The following TMPRSS11F variants were observed in gnomAD, a reference collection of about 807,000 sequenced individuals.
TMPRSS11F encodes transmembrane serine protease 11F, also known as transmembrane protease serine 11F.
Under a neutral mutation model 60.2 loss-of-function variants are expected in TMPRSS11F, and 47 were observed. The observed-to-expected ratio is 0.78, with a 90% CI of 0.62 to 1.00. The LOEUF (loss-of-function observed/expected upper bound fraction) is 1.00, where lower values mean the gene tolerates loss of function less well. Ranked by LOEUF, TMPRSS11F falls within the 50% of genes least tolerant of loss-of-function variation. TMPRSS11F has a pLI of 0.00. For missense variants in TMPRSS11F, 519 were observed against 522.9 expected (o/e 0.99, Z 0.07); for synonymous variants, 166 against 167.3 (o/e 0.99, Z 0.06).
At position 68,112,936 on chromosome 4, in the gene TMPRSS11F, A is replaced by C. The variant is rs901830726; in HGVS notation, c.12-13898T>G. On this transcript the variant is annotated intron_variant, in intron 1 of 9. Transcript: ENST00000356291. ...AATATTAATAAATCTTCCCTCTACA[A>C]AATTTGCTCCATAGAAAGTAAAATT... Among the ~76,000 whole-genome samples, 9 of 152,154 alleles carry C rather than the reference A, an allele frequency of 5.9e-5. No individual in the cohort carries two copies. In the East Asian group the frequency reaches 7.7e-4, roughly 13 times the overall value.
intron 7 of TMPRSS11F, among the ~76,000 whole-genome samples, chr4:68,066,000 C>T (rs950488501): frequency 1.3e-5 from 2 of 151,594 alleles, no homozygotes; most frequent in Non-Finnish European, 2.9e-5. Context: ...CCTGTAGTAC[C>T]AACTACTCAG....
At chr4:68,098,032 T>C (rs1724106705) in intron 2 of TMPRSS11F, among the ~76,000 whole-genome samples, 2 of 152,088 alleles carry the variant, frequency 1.3e-5, no homozygotes, top group South Asian at 4.1e-4. Context: ...CGGCGGGGCA[T>C]GGTGGCTGAT....
chr4:68,058,923 G>A (rs1723099183), intron 9 of TMPRSS11F, among the ~76,000 whole-genome samples: 1 of 152,186 alleles, frequency 6.6e-6, no homozygotes. Context: ...AAGATCACTG[G>A]AGAAGAGGAG....
Position 68,129,859 on chromosome 4 carries a change from T to A in TMPRSS11F, c.-39A>T. 1 of 1,610,670 alleles carries A rather than the reference T, an allele frequency of 6.2e-7. No individual in the cohort carries two copies. ...GGGCAGCTTCTATTCAGTCACCATC[T>A]GATCTGTATCAGCAGGTTAGGACTT... On this transcript the variant is annotated 5_prime_UTR_variant, in exon 1 of 10. Coordinates refer to ENST00000356291, the MANE Select transcript of TMPRSS11F (RefSeq NM_207407.2).
Position 68,090,631 on chromosome 4 carries a change from A to G in TMPRSS11F, c.174T>C (p.Ser58=). 2.5e-6 allele frequency: 4 copies of G among 1,595,350 alleles called. No individual in the cohort carries two copies. Among genetic ancestry groups the G allele is most frequent in the Non-Finnish European group, 3.4e-6 (4 of 1,170,250 alleles). ...VTHFVVEDDK[S]FYYLASFKVT... ...CTTTAAAAGAGGCAAGGTAATAGAA[A>G]GACTTATCATCTGAAAGGTAAAACA... The change falls in exon 3 of 10, where the codon TCT becomes TCC. Residue 58 remains serine (S), a synonymous_variant. Coordinates refer to ENST00000356291, the MANE Select transcript of TMPRSS11F (RefSeq NM_207407.2).
intron 5 of TMPRSS11F, among the ~76,000 whole-genome samples, chr4:68,071,515 G>C (rs913100909): frequency 6.6e-6 from 1 of 152,126 alleles, no homozygotes; most frequent in Non-Finnish European, 1.5e-5. Context: ...TATCACATGT[G>C]ACATGTATGC....
intron 1 of TMPRSS11F, among the ~76,000 whole-genome samples, chr4:68,123,807 C>T (rs1187121526): frequency 6.6e-6 from 1 of 152,084 alleles, no homozygotes; most frequent in African/African-American, 2.4e-5. Flanking sequence ...TATGGCAAAC[C>T]CAATCCTTAA....
At chr4:68,087,113 A>G (rs1253073852) in intron 3 of TMPRSS11F, among the ~76,000 whole-genome samples, 1 of 152,226 alleles carries the variant, frequency 6.6e-6, no homozygotes, top group Non-Finnish European at 1.5e-5. Flanking sequence ...CATAGATGCA[A>G]ACATCCTCAA....
intron 9 of TMPRSS11F, among the ~76,000 whole-genome samples, chr4:68,058,089 G>C (rs1051640635): frequency 6.6e-6 from 1 of 152,106 alleles, no homozygotes; most frequent in Non-Finnish European, 1.5e-5. Context: ...GGAGAGTGAG[G>C]GAAAGGGGAG....
chr4:68,126,247 A>C (rs1724710495), intron 1 of TMPRSS11F, among the ~76,000 whole-genome samples: 1 of 152,180 alleles, frequency 6.6e-6, no homozygotes. Context: ...ATATGTCTAC[A>C]TAGAATATAT....
chr4:68,063,495 G>A (rs576589262), intron 8 of TMPRSS11F, among the ~76,000 whole-genome samples: 62 of 152,124 alleles, frequency 4.1e-4, no homozygotes, highest in African/African-American at 1.3e-3. Context: ...TCCTGCCTCA[G>A]CCTCCCAAGT....
chr4:68,098,845 C>A, intron 2 of TMPRSS11F, 42 bp downstream of exon 2: 2 of 1,545,562 alleles, frequency 1.3e-6, no homozygotes, highest in South Asian at 1.2e-5. Flanking sequence ...GATACGAAGT[C>A]ATGGAGTACT....
chr4:68,072,857 TGTC>T (rs1005996487), intron 4 of TMPRSS11F, among the ~76,000 whole-genome samples: 2 of 152,170 alleles, frequency 1.3e-5, no homozygotes, highest in African/African-American at 4.8e-5. Context: ...CTGTAACTAA[TGTC>T]ATTATTCTTT....
chr4:68,094,617 C>T (rs1019488421), intron 2 of TMPRSS11F, among the ~76,000 whole-genome samples: 5 of 151,500 alleles, frequency 3.3e-5, no homozygotes, highest in African/African-American at 1.2e-4. Context: ...ATGCTTGGCT[C>T]TTGGGATTTC....
intron 7 of TMPRSS11F, among the ~76,000 whole-genome samples, chr4:68,066,516 C>G (rs1323822321): frequency 6.6e-6 from 1 of 152,190 alleles, no homozygotes; most frequent in Non-Finnish European, 1.5e-5. Flanking sequence ...TCCATCCTTT[C>G]AAGAATGTTT....
rs1040248092 is a variant in TMPRSS11F at position 68,064,945 on chromosome 4, CT to C, written c.756-2del. 6.2e-7 allele frequency: 1 copy of C among 1,605,990 alleles called. No individual in the cohort carries two copies. The highest frequency in any genetic ancestry group is 8.5e-7 in the Non-Finnish European group (1 of 1,177,050). ...AATCCATTGAGTTGGGTCTTTATTT[CT>C]GCAAAAAATTAAAAAGTAATACTTG... On this transcript the variant is annotated splice_acceptor_variant, in intron 7 of 9. Coordinates refer to ENST00000356291, the MANE Select transcript of TMPRSS11F (RefSeq NM_207407.2). LOFTEE classifies it high-confidence loss of function.
chr4:68,081,672 C>G (rs543975665), intron 3 of TMPRSS11F, among the ~76,000 whole-genome samples: 1 of 152,252 alleles, frequency 6.6e-6, no homozygotes, highest in East Asian at 1.9e-4. Flanking sequence ...CAATTAGTAT[C>G]TTGTTTTAAT....
Position 68,059,485 on chromosome 4 carries a change from TA to T in TMPRSS11F, c.1016-18del, listed in dbSNP as rs557505279. 6 of 1,604,808 alleles carry T rather than the reference TA, an allele frequency of 3.7e-6. No homozygotes were observed. The highest frequency in any genetic ancestry group is 2.2e-5 in the East Asian group (1 of 44,768). On this transcript the variant is annotated intron_variant, in intron 8 of 9. Coordinates refer to ENST00000356291, the MANE Select transcript of TMPRSS11F (RefSeq NM_207407.2). ...GTATAGGTCCTATTGCACAAATGGA[TA>T]AAAAAACAAATAAACAGTATTCCTC... is the stretch of plus-strand genomic sequence containing the variant.
intron 3 of TMPRSS11F, among the ~76,000 whole-genome samples, chr4:68,086,640 G>T (rs1169576405): frequency 1.3e-5 from 2 of 152,064 alleles, no homozygotes; most frequent in Non-Finnish European, 2.9e-5. Context: ...ATTAGAAAAA[G>T]AGAGAGACAA....
Sources: allele counts gnomAD v4.1 joint callset (sites outside exome capture counted in the v4.1 genomes callset), GRCh38; gene constraint gnomAD v4.1.1; transcripts MANE v1.5; gene names NCBI Gene and HGNC (gene_info 2026-07-23, HGNC 2026-07-21).